RBFOX1: variants seen among roughly 807,000 people sequenced by gnomAD.
The protein encoded by RBFOX1 is RNA binding fox-1 homolog 1.
Under a neutral mutation model 57.7 loss-of-function variants are expected in RBFOX1, and 8 were observed. The observed-to-expected ratio is 0.14, with a 90% CI of 0.08 to 0.25. RBFOX1 has a LOEUF of 0.25. Among genes scored for constraint, RBFOX1 ranks in the 10% least tolerant of loss-of-function variants. The pLI, the probability that RBFOX1 is intolerant of heterozygous loss-of-function variation, is 1.00. For synonymous variants in RBFOX1, 326 were observed against 222.4 expected (o/e 1.47, Z -4.15); for missense variants, 611 against 548.5 (o/e 1.11, Z -1.14).
chr16:6,428,338 C>T (rs1057050087), intron 2 of RBFOX1, among the ~76,000 whole-genome samples: 10 of 146,646 alleles, frequency 6.8e-5, no homozygotes, highest in Admixed American at 2.0e-4. Flanking sequence ...GCATTCCATA[C>T]ATTGACTATT....
chr16:7,197,239 A>G (rs1192111691), intron 4 of RBFOX1, among the ~76,000 whole-genome samples: 1 of 152,162 alleles, frequency 6.6e-6, no homozygotes, highest in Non-Finnish European at 1.5e-5. Context: ...TTAGGGATGA[A>G]GAAAATGAAT....
chr16:5,455,786 G>T (rs1445495576), intron 1 of RBFOX1, among the ~76,000 whole-genome samples: 1 of 152,132 alleles, frequency 6.6e-6, no homozygotes, highest in Non-Finnish European at 1.5e-5. Context: ...GAAGTGAAAT[G>T]CAGGGTGAAG....
chr16:6,747,412 GA>G (rs34681943), intron 3 of RBFOX1, among the ~76,000 whole-genome samples: 5 of 148,450 alleles, frequency 3.4e-5, no homozygotes, highest in Admixed American at 6.7e-5. Context: ...GTCTCAAAAA[GA>G]AAAAAAAAAT....
intron 3 of RBFOX1, among the ~76,000 whole-genome samples, chr16:6,836,640 A>T (rs781578131): frequency 2.6e-5 from 4 of 151,536 alleles, no homozygotes; most frequent in Admixed American, 1.3e-4. Flanking sequence ...ACGGACTTTC[A>T]CCCCGCTTCG....
At chr16:5,806,575 A>G (rs576940073) in intron 3 of RBFOX1, among the ~76,000 whole-genome samples, 4 of 152,198 alleles carry the variant, frequency 2.6e-5, no homozygotes, top group South Asian at 2.1e-4. Flanking sequence ...CAGAGTTCCA[A>G]CCTTAGCAGA....
At chr16:5,864,905 A>C (rs2057312004) in intron 3 of RBFOX1, among the ~76,000 whole-genome samples, 2 of 152,328 alleles carry the variant, frequency 1.3e-5, no homozygotes, top group South Asian at 2.1e-4. Flanking sequence ...CAAACCCTGT[A>C]CTTTAGTCAT....
rs1283039178 is a variant in RBFOX1 at position 7,100,561 on chromosome 16, GGTT to G, written c.27+48467_27+48469del. 4.2e-3 allele frequency among the ~76,000 whole-genome samples: 513 copies of G among 120,920 alleles called. 3 individuals are homozygous for G. Among genetic ancestry groups the G allele is most frequent in the Admixed American group, 0.016 (166 of 10,612 alleles). The allele number at this position is 120,920 out of a possible 152,430, so 79.3% of individuals were successfully genotyped here. On this transcript the variant is annotated intron_variant, in intron 4 of 15. Coordinates refer to ENST00000550418, the MANE Select transcript of RBFOX1 (RefSeq NM_018723.4). ...GTTTGGGAAAACATGGGTTTTTAAA[GGTT>G]GTTTTTTTTTTTTTTTTTTTTAGCA...
intron 3 of RBFOX1, among the ~76,000 whole-genome samples, chr16:6,802,873 A>T (rs938448098): frequency 3.1e-4 from 47 of 152,184 alleles, no homozygotes; most frequent in Admixed American, 1.2e-3. Flanking sequence ...TCTTTTAAGG[A>T]GCTGACATAG....
At chr16:6,664,117 A>G (rs541618021) in intron 3 of RBFOX1, among the ~76,000 whole-genome samples, 1 of 152,192 alleles carries the variant, frequency 6.6e-6, no homozygotes, top group African/African-American at 2.4e-5. Context: ...GATCATGTTT[A>G]TGTATGACCT....
chr16:5,532,921 C>T (rs145217608), intron 2 of RBFOX1, among the ~76,000 whole-genome samples: 2 of 152,164 alleles, frequency 1.3e-5, no homozygotes, highest in African/African-American at 4.8e-5. Flanking sequence ...GTGGAGATCT[C>T]ACATTAGTGA....
chr16:7,216,224 A>T lies in RBFOX1; in HGVS notation c.27+164126A>T, dbSNP rs556997709. Among the ~76,000 whole-genome samples the T allele has an allele frequency of 9.2e-5, 14 of 152,312 alleles. 1 individual carries two copies. In the East Asian group the frequency reaches 2.7e-3, roughly 29 times the overall value. On this transcript the variant is annotated intron_variant, in intron 4 of 15. Transcript: ENST00000550418. ...TGTTTCCACTTATTGGCTATTGTGA[A>T]TCATGCCACTATCTGCATATTAGTT...
chr16:7,140,314 G>C (rs1397743548), intron 4 of RBFOX1, among the ~76,000 whole-genome samples: 1 of 104,308 alleles, frequency 9.6e-6, no homozygotes, highest in Non-Finnish European at 2.0e-5. Context: ...ACCTTCTCTT[G>C]GTTATTTTTC....
chr16:6,687,232 C>G (rs892145565), intron 3 of RBFOX1, among the ~76,000 whole-genome samples: 2 of 152,020 alleles, frequency 1.3e-5, no homozygotes, highest in Admixed American at 1.3e-4. Context: ...AGGAGCTAAG[C>G]TATGACTCTG....
chr16:7,248,052 C>A (rs1387406563), intron 4 of RBFOX1, among the ~76,000 whole-genome samples: 2 of 152,050 alleles, frequency 1.3e-5, no homozygotes, highest in South Asian at 4.1e-4. Context: ...AAAAGTTAAC[C>A]TTAAAAAAAT....
At chr16:5,270,159 A>T (rs1221351504) in intron 1 of RBFOX1, 1 of 330,718 alleles carries the variant, frequency 3.0e-6, no homozygotes, top group Non-Finnish European at 5.7e-6. Context: ...GCCTTTTGGT[A>T]CTCTGAGCAG....
intron 2 of RBFOX1, among the ~76,000 whole-genome samples, chr16:6,376,953 C>G (rs530541083): frequency 6.6e-6 from 1 of 151,992 alleles, no homozygotes; most frequent in African/African-American, 2.4e-5. Flanking sequence ...TTCTCTGTCT[C>G]CAAACTTCCT....
At chr16:5,574,497 C>A (rs112178282) in intron 2 of RBFOX1, among the ~76,000 whole-genome samples, 2 of 151,662 alleles carry the variant, frequency 1.3e-5, no homozygotes, top group Admixed American at 6.6e-5. Context: ...CTCACTGCAA[C>A]CTCCACCTCC....
intron 3 of RBFOX1, among the ~76,000 whole-genome samples, chr16:6,726,335 A>G (rs1365436550): frequency 2.6e-5 from 4 of 152,150 alleles, no homozygotes; most frequent in South Asian, 2.1e-4. Flanking sequence ...ACCTGTAAAG[A>G]GGCAAAAGCA....
intron 4 of RBFOX1, among the ~76,000 whole-genome samples, chr16:5,882,302 T>A (rs987854334): frequency 3.3e-5 from 5 of 152,292 alleles, no homozygotes; most frequent in Admixed American, 2.6e-4. Context: ...CTTAAGAAAC[T>A]TGTCTTAGAG....
Sources: gnomAD v4.1 joint callset for allele counts (sites outside exome capture counted in the v4.1 genomes callset) on GRCh38, gnomAD v4.1.1 for gene constraint, MANE v1.5 for transcripts, NCBI Gene and HGNC (gene_info 2026-07-23, HGNC 2026-07-21) for gene names.